The following NEGR1 variants were observed in gnomAD, a reference collection of about 807,000 sequenced individuals.
NEGR1 encodes the protein neuronal growth regulator 1.
In NEGR1, 10 loss-of-function variants were observed where a neutral mutation model predicts 40.9. That is an observed-to-expected ratio of 0.24 (90% confidence interval 0.15 to 0.42). The LOEUF (loss-of-function observed/expected upper bound fraction) is 0.42, where lower values mean the gene tolerates loss of function less well. Ranked by LOEUF, NEGR1 falls within the 10% of genes least tolerant of loss-of-function variation. The pLI is 1.00. For synonymous variants in NEGR1, 185 were observed against 166.8 expected, an observed-to-expected ratio of 1.11 and a Z score of -0.84; for missense variants, 352 against 438.9, an observed-to-expected ratio of 0.80 and a Z score of 1.77.
At chr1:71,521,810 AAAC>A (rs780328180) in intron 6 of NEGR1, among the ~76,000 whole-genome samples, 10 of 152,120 alleles carry the variant, frequency 6.6e-5, no homozygotes, top group Non-Finnish European at 1.2e-4. Context: ...CAGTCTATGG[AAAC>A]AACACTTGAG....
chr1:72,222,252 C>T (rs773575366), intron 1 of NEGR1, among the ~76,000 whole-genome samples: 39 of 152,226 alleles, frequency 2.6e-4, no homozygotes, highest in South Asian at 4.1e-4. Context: ...CCCCTGCAAA[C>T]CTAAAAAACA....
At chr1:72,274,729 G>A in intron 1 of NEGR1, 1 of 1,067,862 alleles carries the variant, frequency 9.4e-7, no homozygotes, top group Non-Finnish European at 1.5e-6. Context: ...AGTAATTGGA[G>A]TAAAATCGGA....
intron 3 of NEGR1, among the ~76,000 whole-genome samples, chr1:71,765,156 C>A: frequency 6.6e-6 from 1 of 152,150 alleles, no homozygotes; most frequent in East Asian, 1.9e-4. Flanking sequence ...AAAACTGTGA[C>A]ACCTGCACAG....
chr1:72,149,455 T>G (rs1449988156), intron 1 of NEGR1, among the ~76,000 whole-genome samples: 1 of 152,152 alleles, frequency 6.6e-6, no homozygotes, highest in Non-Finnish European at 1.5e-5. Flanking sequence ...CTTAAAATCT[T>G]CCGTTCTATG....
At chr1:72,238,858 G>T (rs1654644692) in intron 1 of NEGR1, among the ~76,000 whole-genome samples, 1 of 151,824 alleles carries the variant, frequency 6.6e-6, no homozygotes, top group Non-Finnish European at 1.5e-5. Flanking sequence ...ACCAAAATTG[G>T]ACAATATCAA....
chr1:71,968,840 G>A (rs568029036), intron 1 of NEGR1, among the ~76,000 whole-genome samples: 53 of 152,104 alleles, frequency 3.5e-4, no homozygotes, highest in Non-Finnish European at 6.2e-4. Context: ...GTTTTAGGCA[G>A]TAATGCTTTT....
At chr1:71,723,040 A>G (rs1275232926) in intron 3 of NEGR1, among the ~76,000 whole-genome samples, 1 of 149,998 alleles carries the variant, frequency 6.7e-6, no homozygotes, top group East Asian at 2.0e-4. Context: ...GAAAAAAAAA[A>G]CTGCTGTAAT....
chr1:72,042,341 C>T (rs958782120), intron 1 of NEGR1, among the ~76,000 whole-genome samples: 1 of 151,674 alleles, frequency 6.6e-6, no homozygotes, highest in African/African-American at 2.4e-5. Context: ...ACAAAACTAC[C>T]GGTTGGGTCA....
At chr1:71,959,813 G>A (rs1356044304) in intron 1 of NEGR1, among the ~76,000 whole-genome samples, 1 of 151,774 alleles carries the variant, frequency 6.6e-6, no homozygotes, top group African/African-American at 2.4e-5. Flanking sequence ...TTTCAATGAC[G>A]TTTTGTGACT....
chr1:72,135,370 C>T (rs377075288), intron 1 of NEGR1, among the ~76,000 whole-genome samples: 2,625 of 104,170 alleles, frequency 0.025, 107 homozygotes, highest in African/African-American at 0.092. Flanking sequence ...AGCGAGACTC[C>T]GTCTCAAAAA....
chr1:72,263,776 C>T (rs111518060), intron 1 of NEGR1, among the ~76,000 whole-genome samples: 83 of 151,194 alleles, frequency 5.5e-4, no homozygotes, highest in African/African-American at 2.0e-3. Context: ...CTCTTATGTC[C>T]CAAATTAAGT....
At chr1:71,455,033 G>GT (rs2101334636) in intron 6 of NEGR1, among the ~76,000 whole-genome samples, 1 of 152,230 alleles carries the variant, frequency 6.6e-6, no homozygotes, top group South Asian at 2.1e-4. Flanking sequence ...AGCAGTAGGA[G>GT]TATCTACAAA....
intron 1 of NEGR1, among the ~76,000 whole-genome samples, chr1:72,048,830 T>A (rs924478250): frequency 6.6e-6 from 1 of 151,660 alleles, no homozygotes; most frequent in African/African-American, 2.4e-5. Flanking sequence ...TGGACATTTT[T>A]TTTTGTTCTG....
intron 1 of NEGR1, among the ~76,000 whole-genome samples, chr1:72,109,375 C>T (rs1236053919): frequency 1.3e-5 from 2 of 151,536 alleles, no homozygotes; most frequent in African/African-American, 4.8e-5. Flanking sequence ...ACTACTTCAC[C>T]TAATTCTAAA....
intron 5 of NEGR1, among the ~76,000 whole-genome samples, 199 bp downstream of exon 5, chr1:71,610,827 A>G (rs1265433550): frequency 2.0e-5 from 3 of 152,156 alleles, no homozygotes; most frequent in Non-Finnish European, 4.4e-5. Flanking sequence ...CTGAGATCAT[A>G]CAAACCAAAG....
chr1:71,500,091 T>G (rs973656941), intron 6 of NEGR1, among the ~76,000 whole-genome samples: 29 of 152,256 alleles, frequency 1.9e-4, no homozygotes, highest in African/African-American at 6.5e-4. Context: ...TTTGTACAGT[T>G]TCTTTATGAT....
chr1:72,110,263 A>C (rs1441581445), intron 1 of NEGR1, among the ~76,000 whole-genome samples: 2 of 149,840 alleles, frequency 1.3e-5, no homozygotes, highest in Non-Finnish European at 3.0e-5. Flanking sequence ...TATAAAAATT[A>C]TATACAACAC....
At position 71,407,272 on chromosome 1, in the gene NEGR1, C is replaced by A; in HGVS notation, c.*174G>T. On this transcript the variant is annotated 3_prime_UTR_variant, in exon 7 of 7. Transcript: ENST00000357731. ...TGCTTCACAAGGTAATGTAGCTAATCAAAAAAGAGTAGAATTAAAGTATTT... is the reference window on the plus strand; with the variant it reads ...TGCTTCACAAGGTAATGTAGCTAATAAAAAAAGAGTAGAATTAAAGTATTT... 1.9e-6 allele frequency: 1 copy of A among 536,660 alleles called. No individual in the cohort carries two copies. The highest frequency in any genetic ancestry group is 2.9e-5 in the South Asian group (1 of 34,160). The allele number at this position is 536,660 out of a possible 1,614,324, so 33.2% of individuals were successfully genotyped here. A position where few individuals can be genotyped will look rare whatever the true frequency, so the allele number is the denominator to read the frequency against.
intron 6 of NEGR1, among the ~76,000 whole-genome samples, chr1:71,540,454 C>G (rs1231725448): frequency 6.6e-6 from 1 of 151,764 alleles, no homozygotes; most frequent in Non-Finnish European, 1.5e-5. Context: ...GAATTACAAC[C>G]TGTTAGCTCT....
Sources: allele counts gnomAD v4.1 joint callset (sites outside exome capture counted in the v4.1 genomes callset), GRCh38; gene constraint gnomAD v4.1.1; transcripts MANE v1.5; gene names NCBI Gene and HGNC (gene_info 2026-07-23, HGNC 2026-07-21).